The following BFAR variants were observed in gnomAD, a reference collection of about 807,000 sequenced individuals.
BFAR encodes bifunctional apoptosis regulator.
A neutral mutation model predicts 54.4 loss-of-function variants in BFAR; 52 were observed. The observed-to-expected ratio is 0.96, with a 90% CI of 0.77 to 1.21. The LOEUF (loss-of-function observed/expected upper bound fraction) is 1.21, where lower values mean the gene tolerates loss of function less well. BFAR is among the 50% of genes most tolerant of loss of function. The pLI is 0.00. For synonymous variants in BFAR, 215 were observed against 204.3 expected, an observed-to-expected ratio of 1.05 and a Z score of -0.45; for missense variants, 571 against 534.0, an observed-to-expected ratio of 1.07 and a Z score of -0.68.
chr16:14,667,464 T>G, intron 7 of BFAR, 171 bp from the exon 8 acceptor site: 1 of 625,658 alleles, frequency 1.6e-6, no homozygotes, highest in East Asian at 2.7e-5. Context: ...TCCTTGAGAG[T>G]TAAAAGATGG....
chr16:14,645,316 AAAG>A (rs911879157), intron 2 of BFAR, among the ~76,000 whole-genome samples: 15 of 149,580 alleles, frequency 1.0e-4, no homozygotes, highest in African/African-American at 1.7e-4. Context: ...TCTCAAAAAA[AAAG>A]AAAGAAAGAA....
chr16:14,643,566 G>T (rs2151836747), intron 1 of BFAR, among the ~76,000 whole-genome samples: 1 of 152,160 alleles, frequency 6.6e-6, no homozygotes, highest in Non-Finnish European at 1.5e-5. Context: ...TAAAAAATTA[G>T]AGCTCCAGCC....
At chr16:14,658,092 C>CAG (rs2151842593) in intron 5 of BFAR, among the ~76,000 whole-genome samples, 1 of 152,196 alleles carries the variant, frequency 6.6e-6, no homozygotes, top group Admixed American at 6.5e-5. Context: ...AAGAGTTGAG[C>CAG]AGAGGTTTAA....
In BFAR at chr16:14,655,222, A is replaced by C. The variant is rs1197081081; in HGVS notation, c.783+12A>C. 2 of 1,348,110 alleles carry C rather than the reference A, an allele frequency of 1.5e-6. No homozygotes were observed. Among genetic ancestry groups the C allele is most frequent in the Non-Finnish European group, 1.9e-6 (2 of 1,038,296 alleles). 83.5% of individuals were successfully genotyped at this position (1,348,110 alleles called of 1,614,324 possible). ...TCTGGGAATATAAGGTGAACACTTT[A>C]ATTTTTTTTTTTTTTTTTTACTTTT... On this transcript the variant is annotated intron_variant, in intron 5 of 7. Coordinates refer to ENST00000261658, the MANE Select transcript of BFAR (RefSeq NM_016561.3).
At chr16:14,649,097 A>C (rs550278639) in intron 3 of BFAR, among the ~76,000 whole-genome samples, 2 of 112,576 alleles carry the variant, frequency 1.8e-5, no homozygotes, top group East Asian at 5.5e-4. Flanking sequence ...TTTTTTTGAG[A>C]TGAAGTCTTG....
At chr16:14,665,802 T>C (rs571333776) in intron 7 of BFAR, among the ~76,000 whole-genome samples, 1 of 152,312 alleles carries the variant, frequency 6.6e-6, no homozygotes, top group African/African-American at 2.4e-5. Context: ...GCATCCAATA[T>C]AGAGTTGCTT....
intron 1 of BFAR, among the ~76,000 whole-genome samples, chr16:14,636,287 G>T (rs1367789270): frequency 6.6e-6 from 1 of 152,162 alleles, no homozygotes; most frequent in Admixed American, 6.5e-5. Flanking sequence ...GGAGGATCCC[G>T]CCAGCCTCTG....
chr16:14,643,975 C>A, intron 1 of BFAR: 1 of 195,668 alleles, frequency 5.1e-6, no homozygotes, highest in South Asian at 8.9e-5. Context: ...TCTTGGCTAA[C>A]ACGGTGAAAC....
At chr16:14,659,224 G>C (rs1185314947) in intron 5 of BFAR, among the ~76,000 whole-genome samples, 1 of 139,590 alleles carries the variant, frequency 7.2e-6, no homozygotes, top group Non-Finnish European at 1.6e-5. Flanking sequence ...TATGCAATTT[G>C]GTTTTTTTTG....
chr16:14,660,620 G>A (rs1328019913), intron 5 of BFAR, among the ~76,000 whole-genome samples: 3 of 134,446 alleles, frequency 2.2e-5, no homozygotes, highest in African/African-American at 2.8e-5. Context: ...GAGGTCTTAC[G>A]CCAGGCGTGG....
chr16:14,669,219 C>T lies in BFAR; in HGVS notation c.*1392C>T, dbSNP rs114300158. 0.05 allele frequency: 15,063 copies of T among 300,802 alleles called. 447 individuals carry two copies. Among genetic ancestry groups the T allele is most frequent in the African/African-American group, 0.082 (3,746 of 45,836 alleles). The allele number at this position is 300,802 out of a possible 1,614,324, so 18.6% of individuals were successfully genotyped here. On this transcript the variant is annotated 3_prime_UTR_variant, in exon 8 of 8. Coordinates refer to ENST00000261658, the MANE Select transcript of BFAR (RefSeq NM_016561.3). ...TTACTTGAAATAAAAATAAAGATTT[C>T]TATATAGATAAAACCTATATGTAGA...
rs199714958 is a variant in BFAR, at chr16:14,655,059, T to A, written c.639-7T>A. 2.0e-4 allele frequency: 323 copies of A among 1,598,930 alleles called. 2 individuals are homozygous for A. The African/African-American group carries it at 3.9e-3, about 19-fold the overall frequency. The stretch of plus-strand genomic sequence containing the variant: ...CGCAAAATAAATCTCCTCCTGCCCC[T>A]CTACAGGTTGCTTTTAACTTTGACA... On this transcript the variant is annotated splice_region_variant and splice_polypyrimidine_tract_variant and intron_variant, in intron 4 of 7. Coordinates refer to ENST00000261658, the MANE Select transcript of BFAR (RefSeq NM_016561.3).
At chr16:14,651,880 A>ATTT (rs35251866) in intron 4 of BFAR, among the ~76,000 whole-genome samples, 13 of 111,160 alleles carry the variant, frequency 1.2e-4, no homozygotes, top group Non-Finnish European at 2.2e-4. Flanking sequence ...GACATGCCCA[A>ATTT]TTTTTTTTTT....
In BFAR at chr16:14,659,493, A is replaced by G. The variant is rs192835076; in HGVS notation, c.784-2399A>G. On this transcript the variant is annotated intron_variant, in intron 5 of 7. Coordinates refer to ENST00000261658, the MANE Select transcript of BFAR (RefSeq NM_016561.3). ...TCCTGACCTCAGGCAATCTGCCTGCATCAGCCTCCCAAAGTGCTGGGATTA... is the reference window on the plus strand; with the variant it reads ...TCCTGACCTCAGGCAATCTGCCTGCGTCAGCCTCCCAAAGTGCTGGGATTA... Among the ~76,000 whole-genome samples, 153 of 138,880 alleles carry G rather than the reference A, an allele frequency of 1.1e-3. 1 individual carries two copies. Among genetic ancestry groups the G allele is most frequent in the African/African-American group, 3.8e-3 (141 of 36,980 alleles). 91.1% of individuals were successfully genotyped at this position (138,880 alleles called of 152,430 possible). A position where few individuals can be genotyped will look rare whatever the true frequency, so the allele number is the denominator to read the frequency against.
intron 6 of BFAR, among the ~76,000 whole-genome samples, chr16:14,662,714 C>T (rs1960325249): frequency 6.6e-6 from 1 of 152,108 alleles, no homozygotes; most frequent in Admixed American, 6.6e-5. Flanking sequence ...GACAGGGTTT[C>T]ACCATGTTGC....
intron 7 of BFAR, among the ~76,000 whole-genome samples, chr16:14,667,096 G>A (rs1300478424): frequency 6.6e-6 from 1 of 152,102 alleles, no homozygotes; most frequent in African/African-American, 2.4e-5. Context: ...CCAGCTACTC[G>A]GGAGGTTGAG....
At chr16:14,641,215 G>C (rs1959615765) in intron 1 of BFAR, among the ~76,000 whole-genome samples, 1 of 152,170 alleles carries the variant, frequency 6.6e-6, no homozygotes, top group African/African-American at 2.4e-5. Flanking sequence ...ACCAGGGGTA[G>C]GAATAGAATG....
At chr16:14,646,219 A>G (rs1959790651) in intron 2 of BFAR, among the ~76,000 whole-genome samples, 1 of 151,906 alleles carries the variant, frequency 6.6e-6, no homozygotes, top group African/African-American at 2.4e-5. Context: ...ACGCCCGGCT[A>G]ATTTTGTATT....
At chr16:14,654,964 C>T (rs1448545879) in intron 4 of BFAR, 102 bp from the exon 5 acceptor site, 6 of 1,242,890 alleles carry the variant, frequency 4.8e-6, no homozygotes, top group African/African-American at 4.6e-5. Flanking sequence ...CTCACCATAC[C>T]TCAAGCCTAC....
Sources: gnomAD v4.1 joint callset for allele counts (sites outside exome capture counted in the v4.1 genomes callset) on GRCh38, gnomAD v4.1.1 for gene constraint, MANE v1.5 for transcripts, NCBI Gene and HGNC (gene_info 2026-07-23, HGNC 2026-07-21) for gene names.